Variants in MTUS2 observed in about 807,000 individuals in gnomAD.
MTUS2 encodes microtubule-associated tumor suppressor candidate 2.
MTUS2 carries 40 observed loss-of-function variants against 114.1 expected under a neutral mutation model. The observed-to-expected ratio is 0.35, with a 90% CI of 0.27 to 0.46. MTUS2 has a LOEUF of 0.46. Ranked by LOEUF, MTUS2 falls within the 20% of genes least tolerant of loss-of-function variation. MTUS2 has a pLI of 1.00. For missense variants in MTUS2, 1,679 were observed against 1,705.4 expected, an observed-to-expected ratio of 0.98 and a Z score of 0.27; for synonymous variants, 688 against 672.0, an observed-to-expected ratio of 1.02 and a Z score of -0.37.
At chr13:29,115,316 C>T (rs550540606) in intron 5 of MTUS2, among the ~76,000 whole-genome samples, 1 of 152,314 alleles carries the variant, frequency 6.6e-6, no homozygotes, top group South Asian at 2.1e-4. Flanking sequence ...ACAGTTTTGG[C>T]TCCTTTGGCG....
At chr13:28,829,084 T>C (rs1228696481) in intron 1 of MTUS2, among the ~76,000 whole-genome samples, 1 of 152,204 alleles carries the variant, frequency 6.6e-6, no homozygotes, top group Non-Finnish European at 1.5e-5. Flanking sequence ...CATTTTAGAA[T>C]GGTGGAAATT....
At chr13:29,455,562 A>G (rs1879044013) in intron 9 of MTUS2, among the ~76,000 whole-genome samples, 1 of 152,246 alleles carries the variant, frequency 6.6e-6, no homozygotes, top group African/African-American at 2.4e-5. Flanking sequence ...CTCAATGCCC[A>G]TTAAAGGAAG....
chr13:29,078,252 A>G (rs972385460), intron 4 of MTUS2, among the ~76,000 whole-genome samples: 17 of 152,182 alleles, frequency 1.1e-4, no homozygotes, highest in Non-Finnish European at 2.4e-4. Flanking sequence ...TAATTTCCCT[A>G]TTAGGATTTT....
chr13:29,372,499 C>T (rs1481983594), intron 8 of MTUS2, among the ~76,000 whole-genome samples: 1 of 66,816 alleles, frequency 1.5e-5, no homozygotes, highest in African/African-American at 5.1e-5. Context: ...TAAGGTTGAC[C>T]AGAAGATCAA....
intron 8 of MTUS2, among the ~76,000 whole-genome samples, chr13:29,371,222 C>CT (rs1871164359): frequency 6.6e-6 from 1 of 151,034 alleles, no homozygotes; most frequent in Admixed American, 6.6e-5. Context: ...TTAACCACCC[C>CT]CCCCCCCTTT....
At chr13:29,475,064 C>G (rs1347235419) in intron 9 of MTUS2, among the ~76,000 whole-genome samples, 2 of 152,192 alleles carry the variant, frequency 1.3e-5, no homozygotes, top group Admixed American at 6.5e-5. Context: ...CAATGTATCT[C>G]TAGCTAAGAA....
intron 5 of MTUS2, chr13:29,242,689 G>A (rs1896772703): frequency 6.6e-6 from 1 of 152,234 alleles, no homozygotes; most frequent in African/African-American, 2.4e-5. Context: ...GAGCACCTTT[G>A]TGCTGGATCC....
chr13:28,893,635 A>T (rs1168515719), intron 2 of MTUS2, among the ~76,000 whole-genome samples: 1 of 152,206 alleles, frequency 6.6e-6, no homozygotes, highest in African/African-American at 2.4e-5. Flanking sequence ...ATAGGAACAG[A>T]AGCATCCCAT....
chr13:29,375,559 GTA>G (rs1256250987), intron 8 of MTUS2, among the ~76,000 whole-genome samples: 5 of 3,368 alleles, frequency 1.5e-3, no homozygotes, highest in African/African-American at 5.4e-3. Context: ...ATATATATAC[GTA>G]TATATATATA....
intron 2 of MTUS2, among the ~76,000 whole-genome samples, chr13:29,002,035 C>T (rs908632876): frequency 1.3e-5 from 2 of 152,218 alleles, no homozygotes; most frequent in South Asian, 4.1e-4. Flanking sequence ...CCTGCCAGTG[C>T]CATGACTTTT....
intron 6 of MTUS2, among the ~76,000 whole-genome samples, chr13:29,283,278 C>T (rs1898348365): frequency 6.6e-6 from 1 of 152,164 alleles, no homozygotes; most frequent in African/African-American, 2.4e-5. Context: ...TAAATTGGCT[C>T]ATTTAATTTT....
intron 5 of MTUS2, among the ~76,000 whole-genome samples, chr13:29,257,985 C>T (rs1319092821): frequency 1.3e-5 from 2 of 152,194 alleles, no homozygotes; most frequent in African/African-American, 4.8e-5. Context: ...CTGAAGCCAC[C>T]TCTACTCAGC....
intron 5 of MTUS2, among the ~76,000 whole-genome samples, chr13:29,203,841 C>T (rs1180814529): frequency 6.6e-6 from 1 of 152,160 alleles, no homozygotes; most frequent in East Asian, 1.9e-4. Context: ...ATCTCACCCC[C>T]CATGGGCTGC....
chr13:29,105,338 T>C (rs1265202220), intron 5 of MTUS2, among the ~76,000 whole-genome samples: 1 of 152,184 alleles, frequency 6.6e-6, no homozygotes, highest in Admixed American at 6.5e-5. Context: ...ATAGGATGAC[T>C]TAGGTTTCAT....
chr13:28,944,599 A>T (rs1882420629), intron 2 of MTUS2, among the ~76,000 whole-genome samples: 1 of 152,186 alleles, frequency 6.6e-6, no homozygotes, highest in South Asian at 2.1e-4. Flanking sequence ...ATGGTAATGT[A>T]ACATTGCTTA....
intron 9 of MTUS2, among the ~76,000 whole-genome samples, chr13:29,443,962 T>G (rs1401123151): frequency 6.6e-6 from 1 of 152,164 alleles, no homozygotes; most frequent in Non-Finnish European, 1.5e-5. Flanking sequence ...AATAGTTAGA[T>G]GTATTTATTG....
At chr13:29,219,138 A>C in intron 5 of MTUS2, among the ~76,000 whole-genome samples, 1 of 101,558 alleles carries the variant, frequency 9.8e-6, no homozygotes, top group East Asian at 3.2e-4. Context: ...CCACCCCACC[A>C]CAGTCCCCAG....
intron 5 of MTUS2, among the ~76,000 whole-genome samples, chr13:29,156,973 C>T (rs955061172): frequency 2.0e-5 from 3 of 152,092 alleles, no homozygotes; most frequent in Admixed American, 1.3e-4. Flanking sequence ...TCTTTAGAGT[C>T]TTTAAATATT....
At chr13:29,186,874 A>T (rs1004389325) in intron 5 of MTUS2, among the ~76,000 whole-genome samples, 1 of 152,218 alleles carries the variant, frequency 6.6e-6, no homozygotes, top group African/African-American at 2.4e-5. Context: ...GTTAGATTAT[A>T]AAGTCAGCCT....
Sources: allele counts gnomAD v4.1 joint callset (sites outside exome capture counted in the v4.1 genomes callset), GRCh38; gene constraint gnomAD v4.1.1; transcripts MANE v1.5; gene names NCBI Gene and HGNC (gene_info 2026-07-23, HGNC 2026-07-21).